TAF12: variants seen among roughly 807,000 people sequenced by gnomAD.
TAF12 encodes the protein transcription initiation factor TFIID subunit 12.
TAF12 carries 3 observed loss-of-function variants against 20.8 expected under a neutral mutation model. The ratio of observed to expected loss-of-function variants is 0.14; its 90% CI spans 0.07 to 0.37. The LOEUF (loss-of-function observed/expected upper bound fraction) is 0.37. TAF12 is among the 10% of genes least tolerant of loss of function. TAF12 has a pLI of 1.00. For synonymous variants in TAF12, 69 were observed against 70.2 expected, an observed-to-expected ratio of 0.98 and a Z score of 0.09; for missense variants, 131 against 197.9, an observed-to-expected ratio of 0.66 and a Z score of 2.03.
intron 1 of TAF12, among the ~76,000 whole-genome samples, chr1:28,634,212 G>A (rs1014844904): frequency 2.7e-5 from 4 of 149,310 alleles, no homozygotes; most frequent in Non-Finnish European, 4.5e-5. Context: ...TCAGGAGTTC[G>A]AGACCATCCT....
At chr1:28,639,473 C>T (rs983466981) in intron 1 of TAF12, among the ~76,000 whole-genome samples, 2 of 144,128 alleles carry the variant, frequency 1.4e-5, no homozygotes, top group African/African-American at 5.3e-5. Context: ...TTGTTCCTAT[C>T]GGCTCTAATT....
chr1:28,612,071 GCTT>G (rs1210772603), intron 4 of TAF12, among the ~76,000 whole-genome samples: 1 of 152,150 alleles, frequency 6.6e-6, no homozygotes, highest in Non-Finnish European at 1.5e-5. Flanking sequence ...CAAGGCAACA[GCTT>G]CTTGACACTG....
In TAF12 at chr1:28,603,517, C is replaced by T; in HGVS notation, c.*22G>A. The T allele has an allele frequency of 6.2e-7, 1 of 1,613,414 alleles. No individual in the cohort carries two copies. The highest frequency in any genetic ancestry group is 8.5e-7 in the Non-Finnish European group (1 of 1,179,692). ...AAGTATCTCCAAATACATTGCTGTC[C>T]ATTCCCTGACCTTTCCGTGTGTTAT... On this transcript the variant is annotated 3_prime_UTR_variant, in exon 6 of 6. Transcript: ENST00000373824.
chr1:28,613,229 A>G lies in TAF12; in HGVS notation c.361+18T>C. ...AAGCAGTTGAATCCATACTTCAGGG[A>G]GAAACAAGACCACATACCTAAATGC... On this transcript the variant is annotated intron_variant, in intron 4 of 5. Coordinates refer to ENST00000373824, the MANE Select transcript of TAF12 (RefSeq NM_005644.4). 1 of 1,589,470 alleles carries G rather than the reference A, an allele frequency of 6.3e-7. No individual in the cohort carries two copies. The highest frequency in any genetic ancestry group is 8.6e-7 in the Non-Finnish European group (1 of 1,165,130).
Position 28,617,954 on chromosome 1 carries a change from T to A in TAF12, c.245A>T (p.Glu82Val), listed in dbSNP as rs1667094984. 1 of 1,613,880 alleles carries A rather than the reference T, an allele frequency of 6.2e-7. No homozygotes were observed. The highest frequency in any genetic ancestry group is 1.7e-5 in the Admixed American group (1 of 59,970). The change falls in exon 3 of 6, where the codon GAG becomes GTG. Residue 82 changes from glutamate to valine, a missense_variant and splice_region_variant. By Grantham distance (121) the Glu-to-Val change is moderately radical (BLOSUM62 -2). This residue lies in a region of TAF12 where 8 missense variants were observed against 35.6 expected (regional missense o/e 0.22). Coordinates refer to ENST00000373824, the MANE Select transcript of TAF12 (RefSeq NM_005644.4). The stretch of plus-strand genomic sequence containing the variant: ...CTGGGGTACCCAACCCCACCTTACC[T>A]CCTCCACATCTTCATCCAACTGCTC... ...PNEQLDEDVEEMLLQIADDFI... is the reference protein window; with the variant it reads ...PNEQLDEDVEVMLLQIADDFI...
intron 1 of TAF12, among the ~76,000 whole-genome samples, chr1:28,627,386 T>C (rs1254717945): frequency 2.2e-4 from 22 of 99,168 alleles, no homozygotes; most frequent in Non-Finnish European, 3.8e-4. Context: ...AGACTCCGTC[T>C]CAAAGAAAAA....
intron 1 of TAF12, among the ~76,000 whole-genome samples, chr1:28,637,006 T>A (rs953230048): frequency 4.8e-5 from 7 of 146,288 alleles, no homozygotes; most frequent in African/African-American, 1.8e-4. Context: ...GTGTTTCATT[T>A]CACTCATCCT....
At chr1:28,645,883 G>A (rs1346520507), upstream of TAF12, among the ~76,000 whole-genome samples, 3 of 151,656 alleles carry the variant, frequency 2.0e-5, no homozygotes, top group Non-Finnish European at 4.4e-5. Flanking sequence ...CATGAGAATC[G>A]CTTAAACCTG....
At chr1:28,639,854 T>G (rs893448329) in intron 1 of TAF12, among the ~76,000 whole-genome samples, 1 of 152,048 alleles carries the variant, frequency 6.6e-6, no homozygotes, top group Admixed American at 6.6e-5. Flanking sequence ...TACTTTTTTT[T>G]TTTTTCAGAC....
At chr1:28,606,367 G>C (rs1174247557) in intron 4 of TAF12, among the ~76,000 whole-genome samples, 1 of 151,806 alleles carries the variant, frequency 6.6e-6, no homozygotes, top group Admixed American at 6.6e-5. Flanking sequence ...TCAACCTCTT[G>C]ACCTCAGGTG....
chr1:28,620,005 A>G (rs1167064762), intron 2 of TAF12, among the ~76,000 whole-genome samples: 2 of 151,824 alleles, frequency 1.3e-5, no homozygotes, highest in Admixed American at 6.6e-5. Context: ...ACCAAAAGAC[A>G]TACACTAAAA....
chr1:28,612,793 T>C (rs1018444137), intron 4 of TAF12, among the ~76,000 whole-genome samples: 1 of 151,966 alleles, frequency 6.6e-6, no homozygotes, highest in Non-Finnish European at 1.5e-5. Flanking sequence ...AAAAAATGCA[T>C]AAATAGGCTA....
At chr1:28,616,440 G>A (rs1667045090) in intron 3 of TAF12, among the ~76,000 whole-genome samples, 1 of 148,684 alleles carries the variant, frequency 6.7e-6, no homozygotes, top group African/African-American at 2.5e-5. Flanking sequence ...AGTAAGGAAA[G>A]TTATATGGAC....
chr1:28,612,590 CAT>C, intron 4 of TAF12, among the ~76,000 whole-genome samples: 1 of 147,936 alleles, frequency 6.8e-6, no homozygotes, highest in Non-Finnish European at 1.5e-5. Context: ...ATATATAACA[CAT>C]AGTTATAGAC....
chr1:28,623,194 G>C (rs1050873094), intron 1 of TAF12, among the ~76,000 whole-genome samples: 1 of 152,038 alleles, frequency 6.6e-6, no homozygotes, highest in Non-Finnish European at 1.5e-5. Context: ...CTAGGTGACA[G>C]AGTGAGACAC....
At chr1:28,607,233 T>C (rs969035922) in intron 4 of TAF12, among the ~76,000 whole-genome samples, 5 of 152,250 alleles carry the variant, frequency 3.3e-5, no homozygotes, top group African/African-American at 9.6e-5. Context: ...ATGTTATTAG[T>C]ATTTGAAAGT....
intron 1 of TAF12, among the ~76,000 whole-genome samples, chr1:28,642,247 G>A (rs1252775531): frequency 6.6e-6 from 1 of 152,204 alleles, no homozygotes; most frequent in African/African-American, 2.4e-5. Flanking sequence ...AGTAGGCAGT[G>A]CGAAGGAGAA....
chr1:28,605,387 T>G lies in TAF12; in HGVS notation c.435A>C (p.Thr145=). The G allele has an allele frequency of 6.2e-7, 1 of 1,614,118 alleles. No homozygotes were observed. The highest frequency in any genetic ancestry group is 8.5e-7 in the Non-Finnish European group (1 of 1,180,020). Residue 145 remains threonine, a synonymous_variant, in exon 5 of 6, where the codon ACA becomes ACC. Transcript: ENST00000373824. The part of the protein sequence containing the change: ...EIRPYKKACT[T]EAHKQRMALI... Reference sequence around the variant, plus strand: ...ATTTCCTCACCTGTTTGTGAGCTTCTGTGGTGCAAGCTTTTTTGTAGGGTC... The same window carrying G: ...ATTTCCTCACCTGTTTGTGAGCTTCGGTGGTGCAAGCTTTTTTGTAGGGTC...
chr1:28,642,521 A>T (rs1217888589), intron 1 of TAF12: 1 of 535,930 alleles, frequency 1.9e-6, no homozygotes, highest in Non-Finnish European at 2.4e-6. Context: ...TCCAAACTCA[A>T]GTTTTCTCTG....
Sources: gnomAD v4.1 joint callset for allele counts (sites outside exome capture counted in the v4.1 genomes callset) on GRCh38, gnomAD v4.1.1 for gene constraint, gnomAD v4.1.1 regional missense constraint, MANE v1.5 for transcripts, NCBI Gene and HGNC (gene_info 2026-07-23, HGNC 2026-07-21) for gene names.